Variants in EPHA6 observed in about 807,000 individuals in gnomAD.
The protein encoded by EPHA6 is EPH receptor A6.
A neutral mutation model predicts 112.0 loss-of-function variants in EPHA6; 50 were observed. The ratio of observed to expected loss-of-function variants is 0.45; its 90% CI spans 0.36 to 0.56. The LOEUF is 0.56. EPHA6 is among the 20% of genes least tolerant of loss of function. The pLI, the probability that EPHA6 is intolerant of heterozygous loss-of-function variation, is 0.00. For missense variants in EPHA6, 1,280 were observed against 1,417.4 expected (o/e 0.90, Z 1.56); for synonymous variants, 529 against 490.7 (o/e 1.08, Z -1.03).
At chr3:97,557,912 G>T (rs1159820437) in intron 11 of EPHA6, among the ~76,000 whole-genome samples, 1 of 151,540 alleles carries the variant, frequency 6.6e-6, no homozygotes, top group Non-Finnish European at 1.5e-5. Context: ...CATTTTTCAT[G>T]ACTCATCTAT....
chr3:96,827,398 T>A (rs534239102), intron 1 of EPHA6, among the ~76,000 whole-genome samples: 1 of 152,068 alleles, frequency 6.6e-6, no homozygotes, highest in South Asian at 2.1e-4. Context: ...TGTATTATTC[T>A]TTTTTGTTAA....
intron 4 of EPHA6, among the ~76,000 whole-genome samples, chr3:97,236,451 CTA>C (rs1310674810): frequency 1.3e-5 from 2 of 151,956 alleles, no homozygotes; most frequent in African/African-American, 2.4e-5. Flanking sequence ...TCTTTTAAAA[CTA>C]TTAAACAGGT....
intron 1 of EPHA6, among the ~76,000 whole-genome samples, chr3:96,859,183 CAT>C (rs1576163446): frequency 6.6e-6 from 1 of 152,162 alleles, no homozygotes; most frequent in East Asian, 1.9e-4. Flanking sequence ...CACTCACACA[CAT>C]GTTAAAGTAA....
intron 6 of EPHA6, among the ~76,000 whole-genome samples, chr3:97,421,890 G>A (rs972963406): frequency 6.6e-6 from 1 of 151,824 alleles, no homozygotes; most frequent in Non-Finnish European, 1.5e-5. Context: ...CTAGGTAATA[G>A]GTACTGGGTA....
intron 3 of EPHA6, among the ~76,000 whole-genome samples, chr3:97,097,467 A>T (rs2047275159): frequency 6.6e-6 from 1 of 151,868 alleles, no homozygotes; most frequent in African/African-American, 2.4e-5. Flanking sequence ...TGAATTTTTA[A>T]AATGGGAAAA....
rs200321036 is a variant in EPHA6 at position 97,473,509 on chromosome 3, CT to C, written c.1895-1842del. ...ACAAAATCTCCCTCTGAATTTTGGA[CT>C]CAACAAATTATAGCTACCTAACTAC... On this transcript the variant is annotated intron_variant, in intron 7 of 17. Transcript: ENST00000389672. 9.7e-3 allele frequency among the ~76,000 whole-genome samples: 1,469 copies of C among 151,882 alleles called. 22 individuals are homozygous for C. Among genetic ancestry groups the C allele is most frequent in the African/African-American group, 0.032 (1,324 of 41,492 alleles).
chr3:97,583,247 AACAT>A, intron 11 of EPHA6, among the ~76,000 whole-genome samples: 1 of 151,912 alleles, frequency 6.6e-6, no homozygotes, highest in Non-Finnish European at 1.5e-5. Context: ...TTTTTAGAAG[AACAT>A]ATAGTTGGCA....
intron 5 of EPHA6, among the ~76,000 whole-genome samples, chr3:97,278,392 A>G (rs2080170338): frequency 6.6e-6 from 1 of 152,196 alleles, no homozygotes; most frequent in Admixed American, 6.5e-5. Flanking sequence ...AAGTTCTTTC[A>G]TTTTTGCATA....
At chr3:97,449,138 A>G (rs1430353766) in intron 7 of EPHA6, among the ~76,000 whole-genome samples, 1 of 152,162 alleles carries the variant, frequency 6.6e-6, no homozygotes, top group Non-Finnish European at 1.5e-5. Context: ...GGAGATGAAC[A>G]CCACTGACAT....
intron 2 of EPHA6, among the ~76,000 whole-genome samples, chr3:96,912,779 A>ATG (rs1322186333): frequency 1.3e-5 from 2 of 151,888 alleles, no homozygotes; most frequent in Non-Finnish European, 2.9e-5. Flanking sequence ...TTTTATAGTG[A>ATG]TGAGGTCTCA....
chr3:96,829,496 T>C (rs886647037), intron 1 of EPHA6, among the ~76,000 whole-genome samples: 1 of 152,078 alleles, frequency 6.6e-6, no homozygotes, highest in African/African-American at 2.4e-5. Context: ...TAGAAATCGC[T>C]GGATTAGGAG....
At chr3:97,383,247 C>T (rs1344694905) in intron 5 of EPHA6, among the ~76,000 whole-genome samples, 3 of 151,980 alleles carry the variant, frequency 2.0e-5, no homozygotes, top group Non-Finnish European at 4.4e-5. Flanking sequence ...CATAGCCTAT[C>T]CCTGGAAAAG....
intron 13 of EPHA6, among the ~76,000 whole-genome samples, chr3:97,611,935 T>C (rs1576069709): frequency 6.6e-6 from 1 of 151,964 alleles, no homozygotes; most frequent in Non-Finnish European, 1.5e-5. Context: ...GCAGTGATGA[T>C]ATATTTATAC....
intron 5 of EPHA6, among the ~76,000 whole-genome samples, chr3:97,403,772 A>C (rs116159366): frequency 0.016 from 2,396 of 152,312 alleles, 62 homozygotes; most frequent in African/African-American, 0.052. Context: ...AATCATTTAT[A>C]ATATTTTTAT....
chr3:97,568,372 A>G (rs1207498590), intron 11 of EPHA6, among the ~76,000 whole-genome samples: 3 of 152,230 alleles, frequency 2.0e-5, no homozygotes, highest in Non-Finnish European at 4.4e-5. Context: ...AACAGATAAC[A>G]TGACACCCTG....
At chr3:97,268,400 C>G (rs1289265528) in intron 5 of EPHA6, among the ~76,000 whole-genome samples, 24 of 152,072 alleles carry the variant, frequency 1.6e-4, no homozygotes, top group Admixed American at 1.6e-3. Flanking sequence ...TAGTGCCTGT[C>G]ACAATAATCT....
intron 14 of EPHA6, among the ~76,000 whole-genome samples, chr3:97,693,586 T>A (rs1257110076): frequency 6.6e-6 from 1 of 152,114 alleles, no homozygotes; most frequent in Non-Finnish European, 1.5e-5. Context: ...GGCAGGCAGA[T>A]CACGAGGTTG....
intron 6 of EPHA6, among the ~76,000 whole-genome samples, chr3:97,416,337 G>A (rs1238173828): frequency 6.6e-6 from 1 of 151,968 alleles, no homozygotes; most frequent in African/African-American, 2.4e-5. Flanking sequence ...AGAATTTAGA[G>A]TTAAATGAAA....
chr3:96,861,690 C>G (rs1476148776), intron 1 of EPHA6, among the ~76,000 whole-genome samples: 1 of 151,890 alleles, frequency 6.6e-6, no homozygotes. Context: ...TGAACACCCT[C>G]TATGTTAAAA....
Sources: allele counts gnomAD v4.1 joint callset (sites outside exome capture counted in the v4.1 genomes callset), GRCh38; gene constraint gnomAD v4.1.1; transcripts MANE v1.5; gene names NCBI Gene and HGNC (gene_info 2026-07-23, HGNC 2026-07-21).